The following CSN1S1 variants were observed in gnomAD, a reference collection of about 807,000 sequenced individuals.
CSN1S1 encodes the protein casein alpha s1, also known as alpha-S1-casein.
In CSN1S1, 63 loss-of-function variants were observed where a neutral mutation model predicts 49.1. That is an observed-to-expected ratio of 1.28 (90% CI 1.05 to 1.58). CSN1S1 has a LOEUF of 1.58. Among genes scored for constraint, CSN1S1 ranks in the 40% most tolerant of loss-of-function variants. The probability of loss-of-function intolerance (pLI) is 0.00; values close to 1 mark genes in which losing one functional copy is unlikely to be tolerated. For missense variants in CSN1S1, 260 were observed against 224.7 expected (o/e 1.16, Z -1.01); for synonymous variants, 78 against 67.1 (o/e 1.16, Z -0.79).
At chr4:69,933,204 A>G (rs1485004344) in intron 2 of CSN1S1, among the ~76,000 whole-genome samples, 1 of 152,014 alleles carries the variant, frequency 6.6e-6, no homozygotes, top group African/African-American at 2.4e-5. Context: ...TTTCTTCTCA[A>G]AAAGAGTGTT....
intron 14 of CSN1S1, 46 bp from the exon 15 acceptor site, chr4:69,944,804 A>T (rs1560391877): frequency 6.3e-7 from 1 of 1,580,738 alleles, no homozygotes; most frequent in Non-Finnish European, 8.6e-7. Flanking sequence ...GACTGAAAAA[A>T]GCAATTGCTC....
intron 13 of CSN1S1, 68 bp downstream of exon 13, chr4:69,942,131 G>T: frequency 2.2e-6 from 2 of 915,318 alleles, no homozygotes; most frequent in South Asian, 2.3e-5. Context: ...TATAATGCAT[G>T]ATTCTCTTTT....
intron 14 of CSN1S1, among the ~76,000 whole-genome samples, chr4:69,943,723 C>T (rs960048862): frequency 6.6e-6 from 1 of 151,970 alleles, no homozygotes; most frequent in African/African-American, 2.4e-5. Flanking sequence ...AGGCCAACAT[C>T]TGTCAAGCTA....
At chr4:69,939,330 T>C (rs1370342307) in intron 10 of CSN1S1, 122 bp downstream of exon 10, 2 of 536,074 alleles carry the variant, frequency 3.7e-6, no homozygotes, top group Non-Finnish European at 6.4e-6. Flanking sequence ...TGTGGCACTA[T>C]TCTAGTTTTA....
intron 2 of CSN1S1, among the ~76,000 whole-genome samples, chr4:69,933,845 A>G (rs1270460967): frequency 6.6e-6 from 1 of 152,018 alleles, no homozygotes; most frequent in Non-Finnish European, 1.5e-5. Context: ...GTTTAAAATC[A>G]TCTTTAGAAC....
chr4:69,945,105 C>T, intron 15 of CSN1S1, 101 bp downstream of exon 15: 1 of 1,217,066 alleles, frequency 8.2e-7, no homozygotes, highest in African/African-American at 1.5e-5. Flanking sequence ...TTAAACATGG[C>T]AAATCAATGC....
At chr4:69,941,996 A>G in intron 12 of CSN1S1, 50 bp from the exon 13 acceptor site, 1 of 1,245,392 alleles carries the variant, frequency 8.0e-7, no homozygotes, top group Non-Finnish European at 1.1e-6. Flanking sequence ...TTTCTTATTA[A>G]TGAGTAAATA....
chr4:69,939,040 C>G, intron 9 of CSN1S1, 136 bp from the exon 10 acceptor site: 1 of 518,740 alleles, frequency 1.9e-6, no homozygotes, highest in South Asian at 3.9e-5. Context: ...CAATGTAGTA[C>G]GCCTGAATTT....
In CSN1S1 at chr4:69,939,222, A is replaced by G; in HGVS notation, c.276+14A>G. On this transcript the variant is annotated intron_variant, in intron 10 of 15. Coordinates refer to ENST00000246891, the MANE Select transcript of CSN1S1 (RefSeq NM_001890.2). ...TCATCGAGTGAGGTAAATAATTTTG[A>G]TATTAATTCTGTGTCCCAACTAATT... The G allele has an allele frequency of 1.9e-6, 3 of 1,580,324 alleles. No individual in the cohort carries two copies. Among genetic ancestry groups the G allele is most frequent in the East Asian group, 2.3e-5 (1 of 44,364 alleles).
rs907499498 is a variant in CSN1S1 at position 69,933,292 on chromosome 4, A to C, written c.51+686A>C. Among the ~76,000 whole-genome samples the C allele has an allele frequency of 3.3e-5, 5 of 152,160 alleles. 1 individual carries two copies. Among genetic ancestry groups the C allele is most frequent in the East Asian group, 3.9e-4 (2 of 5,172 alleles). On this transcript the variant is annotated intron_variant, in intron 2 of 15. Transcript: ENST00000246891. Reference sequence around the variant, plus strand: ...TTATGTGTAGTTAATGAATGAGAAGAATAAACAGGAATCACCTGACTGGAA... The same window carrying C: ...TTATGTGTAGTTAATGAATGAGAAGCATAAACAGGAATCACCTGACTGGAA...
At chr4:69,934,542 T>A (rs1013359794) in intron 3 of CSN1S1, 148 bp from the exon 4 acceptor site, 49 of 717,398 alleles carry the variant, frequency 6.8e-5, no homozygotes, top group Non-Finnish European at 1.2e-4. Context: ...GTTACACATA[T>A]TCAAGCATGT....
chr4:69,938,462 CA>C (rs5859204), intron 9 of CSN1S1, among the ~76,000 whole-genome samples: 80,065 of 151,154 alleles, frequency 0.53, 21,850 homozygotes, highest in East Asian at 0.72. Context: ...TCTCCTTGGG[CA>C]GAAAGAATCT....
intron 14 of CSN1S1, among the ~76,000 whole-genome samples, chr4:69,943,720 C>T (rs1723057683): frequency 6.6e-6 from 1 of 151,962 alleles, no homozygotes; most frequent in African/African-American, 2.4e-5. Context: ...GAGAGGCCAA[C>T]ATCTGTCAAG....
chr4:69,935,486 G>C (rs144433019), intron 4 of CSN1S1, among the ~76,000 whole-genome samples: 1 of 152,094 alleles, frequency 6.6e-6, no homozygotes, highest in East Asian at 1.9e-4. Flanking sequence ...GGCGGTTAAA[G>C]CTGCAATGAG....
chr4:69,933,758 T>C (rs567371087), intron 2 of CSN1S1, among the ~76,000 whole-genome samples: 2 of 152,138 alleles, frequency 1.3e-5, no homozygotes, highest in South Asian at 4.1e-4. Flanking sequence ...TTTCGTATAA[T>C]TTAAGTGATG....
chr4:69,938,681 A>T (rs1382433095), intron 9 of CSN1S1, among the ~76,000 whole-genome samples: 4 of 151,770 alleles, frequency 2.6e-5, no homozygotes, highest in Non-Finnish European at 5.9e-5. Flanking sequence ...TTTGAAGAAA[A>T]AGTAAATATT....
chr4:69,934,552 T>C, intron 3 of CSN1S1, 138 bp from the exon 4 acceptor site: 1 of 742,768 alleles, frequency 1.3e-6, no homozygotes, highest in Non-Finnish European at 2.3e-6. Context: ...TTCAAGCATG[T>C]GATTTACAGT....
chr4:69,938,066 G>A (rs1338073878), intron 9 of CSN1S1, among the ~76,000 whole-genome samples: 2 of 151,650 alleles, frequency 1.3e-5, no homozygotes, highest in Non-Finnish European at 3.0e-5. Flanking sequence ...TTGGAAGACG[G>A]AATTTAAGCC....
chr4:69,935,897 GA>G, intron 4 of CSN1S1, 28 bp from the exon 5 acceptor site: 1 of 1,408,134 alleles, frequency 7.1e-7, no homozygotes, highest in Non-Finnish European at 9.8e-7. Context: ...AACTATGAAT[GA>G]ATTTTAACAT....
Sources: gnomAD v4.1 joint callset for allele counts (sites outside exome capture counted in the v4.1 genomes callset) on GRCh38, gnomAD v4.1.1 for gene constraint, MANE v1.5 for transcripts, NCBI Gene and HGNC (gene_info 2026-07-23, HGNC 2026-07-21) for gene names.